GRID2: variants seen among roughly 807,000 people sequenced by gnomAD.
GRID2 encodes glutamate ionotropic receptor delta type subunit 2, also known as glutamate receptor ionotropic, delta-2.
GRID2 carries 33 observed loss-of-function variants against 114.8 expected under a neutral mutation model. That is an observed-to-expected ratio of 0.29 (90% confidence interval 0.22 to 0.38). GRID2 has a LOEUF of 0.38. GRID2 is among the 10% of genes least tolerant of loss of function. The pLI, the probability that GRID2 is intolerant of heterozygous loss-of-function variation, is 1.00. For missense variants in GRID2, 1,184 were observed against 1,257.7 expected (o/e 0.94, Z 0.89); for synonymous variants, 505 against 449.9 (o/e 1.12, Z -1.55).
At chr4:92,341,647 G>C (rs751385082) in intron 1 of GRID2, among the ~76,000 whole-genome samples, 6 of 151,992 alleles carry the variant, frequency 3.9e-5, no homozygotes, top group Non-Finnish European at 7.4e-5. Context: ...GTGGCCCAGC[G>C]TGGTGGCTCA....
At chr4:93,085,599 C>T (rs997711497) in intron 3 of GRID2, among the ~76,000 whole-genome samples, 2 of 152,108 alleles carry the variant, frequency 1.3e-5, no homozygotes, top group African/African-American at 4.8e-5. Flanking sequence ...ACAACACCGT[C>T]TTTCTTCCCT....
intron 2 of GRID2, among the ~76,000 whole-genome samples, chr4:93,011,657 AT>A (rs1722182787): frequency 6.6e-6 from 1 of 152,124 alleles, no homozygotes; most frequent in South Asian, 2.1e-4. Flanking sequence ...ATTGACAATT[AT>A]TTTGTATATT....
intron 1 of GRID2, among the ~76,000 whole-genome samples, chr4:92,464,897 C>T (rs140769910): frequency 3.5e-4 from 53 of 152,146 alleles, no homozygotes; most frequent in African/African-American, 1.2e-3. Context: ...GATTGGATCA[C>T]GGGGGCAGAT....
intron 2 of GRID2, among the ~76,000 whole-genome samples, chr4:92,849,996 C>T (rs1170608520): frequency 6.6e-6 from 1 of 151,190 alleles, no homozygotes; most frequent in Non-Finnish European, 1.5e-5. Flanking sequence ...ACATGATATG[C>T]CACAAATTTA....
intron 2 of GRID2, among the ~76,000 whole-genome samples, chr4:92,656,842 G>A (rs147023410): frequency 8.6e-5 from 13 of 151,872 alleles, no homozygotes; most frequent in African/African-American, 2.4e-4. Flanking sequence ...AAGATGTGAC[G>A]TAATTAAGGT....
intron 2 of GRID2, among the ~76,000 whole-genome samples, chr4:92,811,113 C>G (rs1282202836): frequency 6.6e-6 from 1 of 152,016 alleles, no homozygotes; most frequent in African/African-American, 2.4e-5. Flanking sequence ...CACCTGGTAC[C>G]ATATCTAAGA....
intron 4 of GRID2, among the ~76,000 whole-genome samples, chr4:93,130,468 T>G: frequency 6.6e-6 from 1 of 152,108 alleles, no homozygotes; most frequent in Admixed American, 6.6e-5. Context: ...TGGTAATACA[T>G]TCTGAATTAA....
chr4:92,774,827 C>G (rs1328020468), intron 2 of GRID2, among the ~76,000 whole-genome samples: 4 of 152,032 alleles, frequency 2.6e-5, no homozygotes. Flanking sequence ...AACCTCTGGG[C>G]TCAAGCAATC....
intron 2 of GRID2, among the ~76,000 whole-genome samples, chr4:93,010,147 A>G (rs373647731): frequency 1.3e-5 from 2 of 152,182 alleles, no homozygotes; most frequent in African/African-American, 2.4e-5. Flanking sequence ...TTTATTTGAC[A>G]GTAACTTACT....
At chr4:92,916,282 A>G (rs1748784745) in intron 2 of GRID2, among the ~76,000 whole-genome samples, 1 of 152,148 alleles carries the variant, frequency 6.6e-6, no homozygotes, top group Non-Finnish European at 1.5e-5. Context: ...AATATTCTGC[A>G]TATGGCTAGC....
At chr4:92,385,900 G>GTATATATATA (rs34904839) in intron 1 of GRID2, among the ~76,000 whole-genome samples, 1 of 61,092 alleles carries the variant, frequency 1.6e-5, no homozygotes, top group Non-Finnish European at 3.9e-5. Context: ...GTGTGTGTGT[G>GTATATATATA]TATATATATA....
chr4:93,593,892 G>T (rs1053012368), intron 13 of GRID2, among the ~76,000 whole-genome samples: 4 of 151,908 alleles, frequency 2.6e-5, no homozygotes, highest in Non-Finnish European at 4.4e-5. Flanking sequence ...TCGAGCCTTG[G>T]TTTTCAGGTC....
chr4:93,677,722 T>C (rs1438563626), intron 14 of GRID2, among the ~76,000 whole-genome samples: 3 of 152,182 alleles, frequency 2.0e-5, no homozygotes, highest in African/African-American at 7.2e-5. Flanking sequence ...CAGAGGGTCC[T>C]GTCTGTTAGA....
At chr4:93,083,566 C>T (rs1034371337) in intron 2 of GRID2, among the ~76,000 whole-genome samples, 5 of 151,674 alleles carry the variant, frequency 3.3e-5, no homozygotes, top group South Asian at 2.1e-4. Context: ...CTTGGTGGCA[C>T]AGGCCTGTAA....
intron 3 of GRID2, 94 bp downstream of exon 3, chr4:93,085,373 T>G: frequency 1.1e-6 from 1 of 939,604 alleles, no homozygotes; most frequent in South Asian, 1.6e-5. Flanking sequence ...TCTTACTCAT[T>G]GTTATTTGTG....
At chr4:92,509,502 C>T (rs537808458) in intron 1 of GRID2, among the ~76,000 whole-genome samples, 1 of 152,028 alleles carries the variant, frequency 6.6e-6, no homozygotes, top group Admixed American at 6.6e-5. Context: ...ATGAATAAAA[C>T]AGACATAAAT....
At chr4:92,926,009 G>C (rs1041446255) in intron 2 of GRID2, among the ~76,000 whole-genome samples, 1 of 151,952 alleles carries the variant, frequency 6.6e-6, no homozygotes, top group African/African-American at 2.4e-5. Flanking sequence ...GTTTACTACA[G>C]AATTAAAGTT....
At chr4:93,482,947 C>T (rs191741240) in intron 11 of GRID2, among the ~76,000 whole-genome samples, 3 of 152,030 alleles carry the variant, frequency 2.0e-5, no homozygotes, top group South Asian at 2.1e-4. Context: ...ATTACCCCCA[C>T]ATCTTCTGTC....
intron 2 of GRID2, among the ~76,000 whole-genome samples, chr4:92,673,851 G>A (rs547058401): frequency 9.9e-5 from 15 of 152,048 alleles, no homozygotes; most frequent in Non-Finnish European, 2.1e-4. Flanking sequence ...GGGAGGGATA[G>A]CATTAGGAGA....
Sources: gnomAD v4.1 joint callset for allele counts (sites outside exome capture counted in the v4.1 genomes callset) on GRCh38, gnomAD v4.1.1 for gene constraint, MANE v1.5 for transcripts, NCBI Gene and HGNC (gene_info 2026-07-23, HGNC 2026-07-21) for gene names.